The following RIPOR1 variants were observed in gnomAD, a reference collection of about 807,000 sequenced individuals.
RIPOR1 encodes RHO family interacting cell polarization regulator 1, also known as rho family-interacting cell polarization regulator 1.
In RIPOR1, 58 loss-of-function variants were observed where a neutral mutation model predicts 116.5. That is an observed-to-expected ratio of 0.50 (90% CI 0.40 to 0.62). RIPOR1 has a LOEUF of 0.62. RIPOR1 is among the 20% of genes least tolerant of loss of function. The pLI is 0.00. For missense variants in RIPOR1, 1,372 were observed against 1,586.2 expected (o/e 0.86, Z 2.29); for synonymous variants, 605 against 650.0 (o/e 0.93, Z 1.05).
At chr16:67,519,276 T>C (rs571882381) in intron 1 of RIPOR1, among the ~76,000 whole-genome samples, 30 of 140,544 alleles carry the variant, frequency 2.1e-4, no homozygotes, top group Middle Eastern at 3.6e-3. Flanking sequence ...AAAGACTCTG[T>C]TTCAAAAAAA....
chr16:67,524,949 A>T (rs1482794440), upstream of RIPOR1, among the ~76,000 whole-genome samples: 1 of 152,218 alleles, frequency 6.6e-6, no homozygotes, highest in Non-Finnish European at 1.5e-5. Flanking sequence ...CCTAAAGCCC[A>T]GGCTCCCCAT....
rs2050602738 is a variant in RIPOR1 at position 67,529,706 on chromosome 16, GC to G, written c.-24+796del. 2 of 1,505,742 alleles carry G rather than the reference GC, an allele frequency of 1.3e-6. No homozygotes were observed. The highest frequency in any genetic ancestry group is 2.0e-5 in the Admixed American group (1 of 49,568). The allele number at this position is 1,505,742 out of a possible 1,614,324, so 93.3% of individuals were successfully genotyped here. On this transcript the variant is annotated intron_variant, in intron 1 of 21. Coordinates refer to ENST00000042381, the MANE Select transcript of RIPOR1 (RefSeq NM_024519.4). The surrounding 1 kb of genome is among the most constrained non-coding windows in gnomAD (Gnocchi z 4.1). Reference sequence around the variant, plus strand: ...GTTCTAACGTGTGTCCAGGCTGGCCGCCCCAGCACCTACTGTGCGCAGCCTC... The same window carrying G: ...GTTCTAACGTGTGTCCAGGCTGGCCGCCCAGCACCTACTGTGCGCAGCCTC...
intron 1 of RIPOR1, among the ~76,000 whole-genome samples, chr16:67,521,161 T>C (rs1432196594): frequency 2.0e-5 from 3 of 152,154 alleles, no homozygotes; most frequent in African/African-American, 7.2e-5. Context: ...ACAGTGACTG[T>C]TCTTGAATCC....
Position 67,543,529 on chromosome 16 carries a change from C to T in RIPOR1, c.2600+60C>T. ...GTGAGAGGGAAAAGGTGAGGCAGGA[C>T]CAGGGGAAGGTGGAACAGGTGAATT... is the stretch of plus-strand genomic sequence containing the variant. On this transcript the variant is annotated intron_variant, in intron 14 of 21. Coordinates refer to ENST00000042381, the MANE Select transcript of RIPOR1 (RefSeq NM_024519.4). The surrounding 1 kb of genome is among the most constrained non-coding windows in gnomAD (Gnocchi z 4.7). 2 of 1,538,106 alleles carry T rather than the reference C, an allele frequency of 1.3e-6. No individual in the cohort carries two copies. Among genetic ancestry groups the T allele is most frequent in the Non-Finnish European group, 1.7e-6 (2 of 1,145,464 alleles).
intron 1 of RIPOR1, among the ~76,000 whole-genome samples, chr16:67,533,974 ATT>A (rs767462361): frequency 0.033 from 4,087 of 123,320 alleles, 238 homozygotes; most frequent in African/African-American, 0.12. Context: ...CGCCCGGCTA[ATT>A]TTTTTTTTTT....
intron 1 of RIPOR1, 145 bp from the exon 2 acceptor site, chr16:67,538,279 G>C: frequency 9.5e-7 from 1 of 1,055,260 alleles, no homozygotes; most frequent in South Asian, 1.9e-5. Flanking sequence ...TGCCCGGGTC[G>C]GCGGGACTAG....
At position 67,537,508 on chromosome 16, in the gene RIPOR1, C is replaced by T; in HGVS notation, c.-23-916C>T. ...GGAGCGAGCCCGGAGCCCAGCCGGGCGGCTCGAAGTGGCCAGGGCCGGAAG... is the reference window on the plus strand; with the variant it reads ...GGAGCGAGCCCGGAGCCCAGCCGGGTGGCTCGAAGTGGCCAGGGCCGGAAG... On this transcript the variant is annotated intron_variant, in intron 1 of 21. Coordinates refer to ENST00000042381, the MANE Select transcript of RIPOR1 (RefSeq NM_024519.4). This position sits in a 1 kb window ranked among gnomAD's most constrained non-coding sequence, Gnocchi z 4.6. 1 of 1,275,282 alleles carries T rather than the reference C, an allele frequency of 7.8e-7. No homozygotes were observed. Among genetic ancestry groups the T allele is most frequent in the Non-Finnish European group, 9.9e-7 (1 of 1,009,264 alleles). The allele number at this position is 1,275,282 out of a possible 1,614,324, so 79.0% of individuals were successfully genotyped here. A position where few individuals can be genotyped will look rare whatever the true frequency, so the allele number is the denominator to read the frequency against.
At chr16:67,525,456 A>G (rs2050532247), upstream of RIPOR1, among the ~76,000 whole-genome samples, 1 of 151,922 alleles carries the variant, frequency 6.6e-6, no homozygotes, top group Non-Finnish European at 1.5e-5. Flanking sequence ...CTATCTGTTC[A>G]CAGAAAGCTG....
At chr16:67,527,396 CAAAA>C (rs529578878), upstream of RIPOR1, among the ~76,000 whole-genome samples, 1 of 151,206 alleles carries the variant, frequency 6.6e-6, no homozygotes, top group Non-Finnish European at 1.5e-5. Flanking sequence ...CAAAAAAAAA[CAAAA>C]AAGAAAGAAA....
rs1409861483 is a variant in RIPOR1, at chr16:67,529,892, T to C, written c.-24+978T>C. On this transcript the variant is annotated intron_variant, in intron 1 of 21. Coordinates refer to ENST00000042381, the MANE Select transcript of RIPOR1 (RefSeq NM_024519.4). This position sits in a 1 kb window ranked among gnomAD's most constrained non-coding sequence, Gnocchi z 4.1. ...GTATTCTCAAGGTCACACAGCTGGT[T>C]TGGGAGAAGCGAGGATTAGATCTGA... The C allele has an allele frequency of 3.5e-6, 5 of 1,413,146 alleles. No homozygotes were observed. The African/African-American group carries it at 7.1e-5, about 20-fold the overall frequency. 87.5% of individuals were successfully genotyped at this position (1,413,146 alleles called of 1,614,324 possible). A position where few individuals can be genotyped will look rare whatever the true frequency, so the allele number is the denominator to read the frequency against.
Position 67,545,124 on chromosome 16 carries a change from G to A in RIPOR1, c.3031+7G>A, listed in dbSNP as rs1230261799. ...CCAGGCTTGGCTGAGGCTGGTGAGT[G>A]GGCTGCTTCCTCCTTCCACCCTTGC... is the stretch of plus-strand genomic sequence containing the variant. On this transcript the variant is annotated splice_region_variant and intron_variant, in intron 17 of 21. Transcript: ENST00000042381. The surrounding 1 kb of genome is among the most constrained non-coding windows in gnomAD (Gnocchi z 4.8). The A allele has an allele frequency of 6.2e-7, 1 of 1,610,798 alleles. No individual in the cohort carries two copies. Among genetic ancestry groups the A allele is most frequent in the South Asian group, 1.1e-5 (1 of 91,076 alleles).
Position 67,543,243 on chromosome 16 carries a change from C to T in RIPOR1, c.2457C>T (p.Thr819=). Residue 819 remains threonine (T), a synonymous_variant, in exon 13 of 22, where the codon ACC becomes ACT. Transcript: ENST00000042381. The surrounding 1 kb of genome is among the most constrained non-coding windows in gnomAD (Gnocchi z 4.7). ...PELQGLEQEV[T]RLESLLMQRQ... ...TGCAGGGCCTGGAGCAGGAGGTGACCCGCCTAGAAAGTCTGCTCATGGTGA... is the reference window on the plus strand; with the variant it reads ...TGCAGGGCCTGGAGCAGGAGGTGACTCGCCTAGAAAGTCTGCTCATGGTGA... The T allele has an allele frequency of 6.3e-7, 1 of 1,590,374 alleles. No homozygotes were observed. Among genetic ancestry groups the T allele is most frequent in the Non-Finnish European group, 8.6e-7 (1 of 1,166,608 alleles).
chr16:67,536,126 C>G (rs1400038016), intron 1 of RIPOR1, among the ~76,000 whole-genome samples: 1 of 152,066 alleles, frequency 6.6e-6, no homozygotes, highest in Non-Finnish European at 1.5e-5. Flanking sequence ...TGGCATCTAT[C>G]CAGGCTAGAG....
In RIPOR1 at chr16:67,544,747, G is replaced by A. The variant is rs762752314; in HGVS notation, c.2786G>A (p.Arg929Gln). Residue 929 changes from arginine to glutamine, a missense_variant, in exon 16 of 22, where the codon CGG (arginine) becomes CAG (glutamine). Transcript: ENST00000042381. This position sits in a 1 kb window ranked among gnomAD's most constrained non-coding sequence, Gnocchi z 5.1. ...TGCCAGGAGGCATGGGCCCTGGAGC[G>A]GCTGCTGCGGGAAGCCCGAGTACTG... ...LRCQEAWALE[R>Q]LLREARVLEA... 9.3e-6 allele frequency: 15 copies of A among 1,612,394 alleles called. No individual in the cohort carries two copies. The highest frequency in any genetic ancestry group is 1.7e-4 in the Middle Eastern group (1 of 6,056).
Position 67,529,642 on chromosome 16 carries a change from G to A in RIPOR1, c.-24+728G>A, listed in dbSNP as rs1244289103. The A allele has an allele frequency of 2.2e-6, 2 of 895,328 alleles. No individual in the cohort carries two copies. The highest frequency in any genetic ancestry group is 2.5e-5 in the Admixed American group (1 of 40,218). 55.5% of individuals were successfully genotyped at this position (895,328 alleles called of 1,614,324 possible). Reference sequence around the variant, plus strand: ...CCCTTTGTCCTCCTCTCCAGGGTGAGCCCTGAGTCCGGCCTCCCCTACAGA... The same window carrying A: ...CCCTTTGTCCTCCTCTCCAGGGTGAACCCTGAGTCCGGCCTCCCCTACAGA... On this transcript the variant is annotated intron_variant, in intron 1 of 21. Transcript: ENST00000042381. This position sits in a 1 kb window ranked among gnomAD's most constrained non-coding sequence, Gnocchi z 4.1.
Position 67,538,537 on chromosome 16 carries a change from G to A in RIPOR1, c.91G>A (p.Glu31Lys). The A allele has an allele frequency of 2.5e-6, 4 of 1,612,242 alleles. No individual in the cohort carries two copies. The highest frequency in any genetic ancestry group is 3.4e-6 in the Non-Finnish European group (4 of 1,179,346). ...QSFAGVLGSH[E>K]RGPRSFPVFS... ...CTTCGCAGGCGTCCTCGGCAGCCACGAGCGGGGGCCCAGGTACGCGGCCGC... is the reference window on the plus strand; with the variant it reads ...CTTCGCAGGCGTCCTCGGCAGCCACAAGCGGGGGCCCAGGTACGCGGCCGC... The change falls in exon 2 of 22, where the codon GAG (glutamate) becomes AAG (lysine). Residue 31 changes from glutamate to lysine, a missense_variant. Physicochemically the swap from Glu to Lys is moderately conservative, Grantham distance 56. This residue lies in a region of RIPOR1 where 165 missense variants were observed against 145.5 expected (regional missense o/e 1.13). Transcript: ENST00000042381.
Position 67,545,642 on chromosome 16 carries a change from C to T in RIPOR1, c.3191-22C>T. The T allele has an allele frequency of 6.4e-7, 1 of 1,567,480 alleles. No homozygotes were observed. Among genetic ancestry groups the T allele is most frequent in the Non-Finnish European group, 8.7e-7 (1 of 1,154,672 alleles). On this transcript the variant is annotated intron_variant, in intron 18 of 21. Transcript: ENST00000042381. This position sits in a 1 kb window ranked among gnomAD's most constrained non-coding sequence, Gnocchi z 4.8. ...TCACCCTGCCACCTTGCCCACCCACCCACCATATCCCCTTTTTTCAGTGCT... is the reference window on the plus strand; with the variant it reads ...TCACCCTGCCACCTTGCCCACCCACTCACCATATCCCCTTTTTTCAGTGCT...
In RIPOR1 at chr16:67,543,105, T is replaced by C. The variant is rs1014171376; in HGVS notation, c.2319T>C (p.Ala773=). Residue 773 remains alanine, a synonymous_variant, in exon 13 of 22, where the codon GCT becomes GCC. Transcript: ENST00000042381. This position sits in a 1 kb window ranked among gnomAD's most constrained non-coding sequence, Gnocchi z 4.7. ...ATTCAGACCTTTGCCTGGCCATGGCTGTCCAGACCCCAGTCCCAACGGCAG... is the reference window on the plus strand; with the variant it reads ...ATTCAGACCTTTGCCTGGCCATGGCCGTCCAGACCCCAGTCCCAACGGCAG... The part of the protein sequence containing the change: ...PQHSDLCLAM[A]VQTPVPTAAG... 2.0e-6 allele frequency: 3 copies of C among 1,522,562 alleles called. No homozygotes were observed. The highest frequency in any genetic ancestry group is 2.6e-6 in the Non-Finnish European group (3 of 1,137,406). The allele number at this position is 1,522,562 out of a possible 1,614,324, so 94.3% of individuals were successfully genotyped here.
At chr16:67,528,749 G>C (rs2050573467), upstream of RIPOR1, 1 of 151,214 alleles carries the variant, frequency 6.6e-6, no homozygotes. Context: ...GGGAGCCGCG[G>C]GAGCGCAGGG....
Sources: allele counts gnomAD v4.1 joint callset (sites outside exome capture counted in the v4.1 genomes callset), GRCh38; gene constraint gnomAD v4.1.1; regional missense constraint gnomAD v4.1.1; non-coding constraint Gnocchi (gnomAD v3.1); transcripts MANE v1.5; gene names NCBI Gene and HGNC (gene_info 2026-07-23, HGNC 2026-07-21).